HOXC10: variants seen among roughly 807,000 people sequenced by gnomAD.
HOXC10 encodes the protein homeobox C10, also known as homeobox protein Hox-C10.
A neutral mutation model predicts 26.0 loss-of-function variants in HOXC10; 15 were observed. That is an observed-to-expected ratio of 0.58 (90% confidence interval 0.39 to 0.89). The LOEUF (loss-of-function observed/expected upper bound fraction) is 0.89, where lower values mean the gene tolerates loss of function less well. Ranked by LOEUF, HOXC10 falls within the 40% of genes least tolerant of loss-of-function variation. The pLI is 0.00. For missense variants in HOXC10, 446 were observed against 451.9 expected (o/e 0.99, Z 0.12); for synonymous variants, 196 against 185.5 (o/e 1.06, Z -0.46).
At chr12:53,986,090 G>T in intron 1 of HOXC10, 80 bp downstream of exon 1, 1 of 1,433,524 alleles carries the variant, frequency 7.0e-7, no homozygotes, top group South Asian at 1.5e-5. Flanking sequence ...GCAGGGGAGA[G>T]GGTTGGGCCC....
rs1482034056 is a variant in HOXC10, at chr12:53,985,888, G to A, written c.629G>A (p.Ser210Asn). The A allele has an allele frequency of 1.2e-6, 2 of 1,613,878 alleles. No individual in the cohort carries two copies. Among genetic ancestry groups the A allele is most frequent in the Admixed American group, 3.3e-5 (2 of 60,026 alleles). ...CCCAAGTCCGACAGCCAGACCCCCA[G>A]CCCCAATGAAATCAAGACGGAGCAG... Reference protein sequence around the residue: ...ETPKSDSQTPSPNEIKTEQSL... With the variant: ...ETPKSDSQTPNPNEIKTEQSL... Residue 210 changes from serine to asparagine, a missense_variant, in exon 1 of 2, where the codon AGC (serine) becomes AAC (asparagine). Transcript: ENST00000303460.
In HOXC10 at chr12:53,989,256, C is replaced by A. The variant is rs1406025196; in HGVS notation, c.839C>A (p.Thr280Lys). Residue 280 changes from threonine to lysine, a missense_variant, in exon 2 of 2, where the codon ACG becomes AAG. Transcript: ENST00000303460. Reference sequence around the variant, plus strand: ...AGGTGCCCCTATACTAAACACCAGACGCTGGAATTGGAGAAAGAATTTCTG... The same window carrying A: ...AGGTGCCCCTATACTAAACACCAGAAGCTGGAATTGGAGAAAGAATTTCTG... ...KKRCPYTKHQTLELEKEFLFN... is the reference protein window; with the variant it reads ...KKRCPYTKHQKLELEKEFLFN... 1.2e-6 allele frequency: 2 copies of A among 1,613,966 alleles called. No homozygotes were observed. The highest frequency in any genetic ancestry group is 4.5e-5 in the East Asian group (2 of 44,890).
chr12:53,987,706 C>A (rs1049340994), intron 1 of HOXC10, among the ~76,000 whole-genome samples: 1 of 152,148 alleles, frequency 6.6e-6, no homozygotes, highest in Non-Finnish European at 1.5e-5. Flanking sequence ...TTACCCTGTA[C>A]CCTCTCTGTG....
intron 1 of HOXC10, 45 bp downstream of exon 1, chr12:53,986,055 T>C: frequency 4.0e-6 from 6 of 1,502,542 alleles, no homozygotes; most frequent in Non-Finnish European, 5.3e-6. Flanking sequence ...GTTCCGGCAC[T>C]TGGTCTTCGC....
In HOXC10 at chr12:53,989,454, G is replaced by C. The variant is rs760685171; in HGVS notation, c.*8G>C. On this transcript the variant is annotated 3_prime_UTR_variant, in exon 2 of 2. Transcript: ENST00000303460. ...AATTTTAATTTCACCTGAGAGCGCGGCCTCTCCTCCTCCCTTCCCGCTCCT... is the reference window on the plus strand; with the variant it reads ...AATTTTAATTTCACCTGAGAGCGCGCCCTCTCCTCCTCCCTTCCCGCTCCT... 6.2e-7 allele frequency: 1 copy of C among 1,607,738 alleles called. No individual in the cohort carries two copies. The highest frequency in any genetic ancestry group is 2.2e-5 in the East Asian group (1 of 44,618).
intron 1 of HOXC10, among the ~76,000 whole-genome samples, chr12:53,988,875 C>T (rs924444954): frequency 1.2e-4 from 18 of 152,268 alleles, no homozygotes; most frequent in African/African-American, 4.3e-4. Context: ...CCAGGGTCAG[C>T]CAGCTGGGGG....
Position 53,985,159 on chromosome 12 carries a change from C to T in HOXC10, c.-101C>T. The T allele has an allele frequency of 1.0e-5, 5 of 477,712 alleles. No individual in the cohort carries two copies. Among genetic ancestry groups the T allele is most frequent in the South Asian group, 3.3e-5 (1 of 30,662 alleles). 29.6% of individuals were successfully genotyped at this position (477,712 alleles called of 1,614,324 possible). On this transcript the variant is annotated 5_prime_UTR_variant, in exon 1 of 2. Coordinates refer to ENST00000303460, the MANE Select transcript of HOXC10 (RefSeq NM_017409.4). The stretch of plus-strand genomic sequence containing the variant: ...ATTTCCCCCCCTCCCCTTCTTTTTC[C>T]TCCCTCCCCTCCAACCGCGCCCCCC...
Position 53,985,227 on chromosome 12 carries a change from A to G in HOXC10, c.-33A>G, listed in dbSNP as rs1939409498. On this transcript the variant is annotated 5_prime_UTR_variant, in exon 1 of 2. It removes the in-frame stop codon of an upstream open reading frame in the 5' UTR. Transcript: ENST00000303460. ...AAAAAGATGTCAGCTCCTCCGCTGT[A>G]GTATTGCTCCTTAAAAACCCCTCTC... The G allele has an allele frequency of 2.4e-6, 3 of 1,252,504 alleles. No homozygotes were observed. Among genetic ancestry groups the G allele is most frequent in the Non-Finnish European group, 3.1e-6 (3 of 975,634 alleles). The allele number at this position is 1,252,504 out of a possible 1,614,324, so 77.6% of individuals were successfully genotyped here. A position where few individuals can be genotyped will look rare whatever the true frequency, so the allele number is the denominator to read the frequency against.
At chr12:53,987,334 C>A (rs2136384800) in intron 1 of HOXC10, among the ~76,000 whole-genome samples, 1 of 152,312 alleles carries the variant, frequency 6.6e-6, no homozygotes, top group East Asian at 1.9e-4. Context: ...AGGGCAGAGC[C>A]TCATCCCCTT....
chr12:53,988,567 G>A (rs1939471833), intron 1 of HOXC10, among the ~76,000 whole-genome samples: 2 of 152,224 alleles, frequency 1.3e-5, no homozygotes, highest in African/African-American at 4.8e-5. Context: ...ATGATTAAGA[G>A]AGGAAGAGAT....
rs753975983 is a variant in HOXC10, at chr12:53,985,962, G to A, written c.703G>A (p.Ala235Thr). ...GSPSESEKER[A>T]KAADSSPDTS... The stretch of plus-strand genomic sequence containing the variant: ...CCCCTCGGAGAGCGAAAAGGAGAGG[G>A]CCAAAGCTGCCGACTCCAGCCCAGA... The change falls in exon 1 of 2, where the codon GCC (alanine) becomes ACC (threonine). Residue 235 changes from alanine (A) to threonine (T), a missense_variant. Transcript: ENST00000303460. The A allele has an allele frequency of 2.5e-6, 4 of 1,603,914 alleles. No homozygotes were observed. The Admixed American group carries it at 5.2e-5, about 21-fold the overall frequency.
At chr12:53,989,145 T>C (rs1939478679) in intron 1 of HOXC10, 24 bp from the exon 2 acceptor site, 3 of 1,582,294 alleles carry the variant, frequency 1.9e-6, no homozygotes, top group Admixed American at 1.8e-5. Flanking sequence ...GGGATACTTA[T>C]GTAAATAATG....
In HOXC10 at chr12:53,985,892, C is replaced by T. The variant is rs201702051; in HGVS notation, c.633C>T (p.Pro211=). The change falls in exon 1 of 2, where the codon CCC becomes CCT. Residue 211 remains proline (P), a synonymous_variant. Transcript: ENST00000303460. ...AGTCCGACAGCCAGACCCCCAGCCC[C>T]AATGAAATCAAGACGGAGCAGAGCC... ...TPKSDSQTPS[P]NEIKTEQSLA... 1.9e-6 allele frequency: 3 copies of T among 1,613,882 alleles called. No individual in the cohort carries two copies. The East Asian group carries it at 6.7e-5, about 36-fold the overall frequency.
Position 53,986,029 on chromosome 12 carries a change from C to G in HOXC10, c.751+19C>G. The G allele has an allele frequency of 1.6e-5, 25 of 1,533,788 alleles. No individual in the cohort carries two copies. Among genetic ancestry groups the G allele is most frequent in the Non-Finnish European group, 1.9e-5 (22 of 1,142,130 alleles). ...GCGAAAGGTAAGGCCGCCTGGGCCGCGGGCGCCACTGGGACGTTCCGGCAC... is the reference window on the plus strand; with the variant it reads ...GCGAAAGGTAAGGCCGCCTGGGCCGGGGGCGCCACTGGGACGTTCCGGCAC... On this transcript the variant is annotated intron_variant, in intron 1 of 1. Transcript: ENST00000303460.
Position 53,985,335 on chromosome 12 carries a change from A to T in HOXC10, c.76A>T (p.Ser26Cys). 6.2e-7 allele frequency: 1 copy of T among 1,612,706 alleles called. No homozygotes were observed. The highest frequency in any genetic ancestry group is 8.5e-7 in the Non-Finnish European group (1 of 1,179,162). ...TGCGCCCGGCGGAGGAGAGCGCTATAGCCGGAGCGCAGGCATGTATATGCA... is the reference window on the plus strand; with the variant it reads ...TGCGCCCGGCGGAGGAGAGCGCTATTGCCGGAGCGCAGGCATGTATATGCA... ...LAAPGGGERY[S>C]RSAGMYMQSG... The change falls in exon 1 of 2, where the codon AGC (serine) becomes TGC (cysteine). Residue 26 changes from serine (S) to cysteine (C), a missense_variant. By Grantham distance (112) the Ser-to-Cys change is moderately radical. Transcript: ENST00000303460.
chr12:53,989,111 C>T (rs1376020479), intron 1 of HOXC10, 58 bp from the exon 2 acceptor site: 16 of 1,489,234 alleles, frequency 1.1e-5, no homozygotes, highest in South Asian at 2.7e-5. Context: ...AAGGCTGCAG[C>T]GCTGAGAGGG....
intron 1 of HOXC10, chr12:53,986,518 GGTC>G (rs1349740097): frequency 6.6e-6 from 1 of 152,574 alleles, no homozygotes; most frequent in East Asian, 1.9e-4. Context: ...GTTGTTTGTG[GGTC>G]TGATTTGTGC....
At position 53,985,836 on chromosome 12, in the gene HOXC10, G is replaced by A. The variant is rs1338327763; in HGVS notation, c.577G>A (p.Gly193Arg). 6.2e-7 allele frequency: 1 copy of A among 1,613,726 alleles called. No individual in the cohort carries two copies. The highest frequency in any genetic ancestry group is 1.7e-5 in the Admixed American group (1 of 60,002). ...CGAACATCTGGAATCGCCTCAGCTG[G>A]GGGGCAAAGTGAGTTTCCCTGAGAC... ...RAEHLESPQLGGKVSFPETPK... is the reference protein window; with the variant it reads ...RAEHLESPQLRGKVSFPETPK... Residue 193 changes from glycine to arginine, a missense_variant, in exon 1 of 2, where the codon GGG becomes AGG. Coordinates refer to ENST00000303460, the MANE Select transcript of HOXC10 (RefSeq NM_017409.4).
At position 53,985,361 on chromosome 12, in the gene HOXC10, G is replaced by A. The variant is rs1336345699; in HGVS notation, c.102G>A (p.Gln34=). 6.2e-7 allele frequency: 1 copy of A among 1,614,118 alleles called. No homozygotes were observed. The highest frequency in any genetic ancestry group is 8.5e-7 in the Non-Finnish European group (1 of 1,180,032). ...RYSRSAGMYM[Q]SGSDFNCGVM... ...GCCGGAGCGCAGGCATGTATATGCA[G>A]TCTGGGAGTGACTTCAATTGCGGGG... The change falls in exon 1 of 2, where the codon CAG becomes CAA. Residue 34 remains glutamine (Q), a synonymous_variant. Transcript: ENST00000303460.
Sources: gnomAD v4.1 joint callset for allele counts (sites outside exome capture counted in the v4.1 genomes callset) on GRCh38, gnomAD v4.1.1 for gene constraint, MANE v1.5 for transcripts, NCBI Gene and HGNC (gene_info 2026-07-23, HGNC 2026-07-21) for gene names.